Variants in FAH observed in about 807,000 individuals in gnomAD.
The protein encoded by FAH is fumarylacetoacetase.
A neutral mutation model predicts 55.8 loss-of-function variants in FAH; 47 were observed. The observed-to-expected ratio is 0.84, with a 90% CI of 0.67 to 1.07. The LOEUF is 1.07. FAH is among the 50% of genes least tolerant of loss of function. The pLI is 0.00. For missense variants in FAH, 495 were observed against 545.9 expected, an observed-to-expected ratio of 0.91 and a Z score of 0.93; for synonymous variants, 199 against 207.7, an observed-to-expected ratio of 0.96 and a Z score of 0.36.
intron 1 of FAH, among the ~76,000 whole-genome samples, chr15:80,155,784 G>C (rs1382320268): frequency 6.6e-6 from 1 of 152,262 alleles, no homozygotes; most frequent in Non-Finnish European, 1.5e-5. Context: ...ATGTGATCAT[G>C]GGACGGGGGC....
At position 80,181,139 on chromosome 15, in the gene FAH, G is replaced by T; in HGVS notation, c.1160G>T (p.Gly387Val). Residue 387 changes from glycine to valine, a missense_variant, in exon 13 of 14, where the codon GGG becomes GTG. Transcript: ENST00000561421. ...NGQTRKFLLD[G>V]DEVIITGYCQ... ...CAGACCAGGAAGTTTCTGCTGGACG[G>T]GGATGAAGTCATCATAACAGGTGAG... 6.2e-7 allele frequency: 1 copy of T among 1,613,168 alleles called. No individual in the cohort carries two copies. The highest frequency in any genetic ancestry group is 1.1e-5 in the South Asian group (1 of 91,016).
chr15:80,175,435 G>A (rs2041274509), intron 10 of FAH, among the ~76,000 whole-genome samples: 1 of 152,122 alleles, frequency 6.6e-6, no homozygotes, highest in Non-Finnish European at 1.5e-5. Flanking sequence ...CCTCACTTCC[G>A]TGGTGGGTGG....
chr15:80,171,251 C>T (rs950087106), intron 7 of FAH, among the ~76,000 whole-genome samples: 11 of 151,954 alleles, frequency 7.2e-5, no homozygotes, highest in Admixed American at 3.3e-4. Context: ...CTCTTCCCCC[C>T]ACCCCACAAC....
chr15:80,171,615 C>T (rs2041241120), intron 7 of FAH, among the ~76,000 whole-genome samples: 1 of 152,088 alleles, frequency 6.6e-6, no homozygotes, highest in South Asian at 2.1e-4. Flanking sequence ...CATGTGCCAC[C>T]ATGCCTGGCT....
intron 1 of FAH, chr15:80,157,214 G>A (rs1014611338): frequency 1.3e-5 from 2 of 152,394 alleles, no homozygotes; most frequent in African/African-American, 4.8e-5. Flanking sequence ...GAGCTGACAT[G>A]CGTGGAGAAA....
intron 5 of FAH, chr15:80,166,528 G>A (rs2041193085): frequency 6.6e-6 from 1 of 151,870 alleles, no homozygotes; most frequent in African/African-American, 2.4e-5. Flanking sequence ...TGTTTTATAA[G>A]TGATAGAAAT....
chr15:80,186,286 G>A lies in FAH; in HGVS notation c.*77G>A. 2.5e-6 allele frequency: 3 copies of A among 1,193,902 alleles called. No homozygotes were observed. Among genetic ancestry groups the A allele is most frequent in the Non-Finnish European group, 3.8e-6 (3 of 797,950 alleles). The allele number at this position is 1,193,902 out of a possible 1,614,324, so 74.0% of individuals were successfully genotyped here. The stretch of plus-strand genomic sequence containing the variant: ...TGTGACTGGGGTCCTCCCTCGGGCT[G>A]TAGGCCTGGTCCGCCATTCAGTGAC... On this transcript the variant is annotated 3_prime_UTR_variant, in exon 14 of 14. Coordinates refer to ENST00000561421, the MANE Select transcript of FAH (RefSeq NM_000137.4).
chr15:80,170,221 AG>A (rs2041228531), intron 7 of FAH, among the ~76,000 whole-genome samples: 1 of 152,246 alleles, frequency 6.6e-6, no homozygotes, highest in Non-Finnish European at 1.5e-5. Flanking sequence ...AAATGCAGAC[AG>A]GCAGATGGAG....
chr15:80,175,145 T>C, intron 10 of FAH, 54 bp downstream of exon 10: 5 of 1,515,514 alleles, frequency 3.3e-6, no homozygotes, highest in Non-Finnish European at 4.6e-6. Flanking sequence ...TGTGTGCCTG[T>C]GTGCCTTGTC....
rs763878555 is a variant in FAH, at chr15:80,186,234, A to G, written c.*25A>G. 6.9e-6 allele frequency: 11 copies of G among 1,589,964 alleles called. No homozygotes were observed. The Admixed American group carries it at 1.0e-4, about 15-fold the overall frequency. On this transcript the variant is annotated 3_prime_UTR_variant, in exon 14 of 14. Coordinates refer to ENST00000561421, the MANE Select transcript of FAH (RefSeq NM_000137.4). ...AGATTTTCTCTGCTCTTCTGGAAAC[A>G]AAGGGCTCAAGCACCCCTTTCAACC...
At chr15:80,159,934 TG>T (rs2041134696) in intron 3 of FAH, 57 bp downstream of exon 3, 1 of 1,588,576 alleles carries the variant, frequency 6.3e-7, no homozygotes, top group South Asian at 1.1e-5. Flanking sequence ...AGGTGAAGGC[TG>T]TGTGGTTATC....
intron 1 of FAH, chr15:80,157,300 C>CG (rs1196787547): frequency 3.9e-5 from 6 of 153,102 alleles, no homozygotes; most frequent in African/African-American, 1.4e-4. Flanking sequence ...CCACTAAGCT[C>CG]GCTGGCACTG....
At chr15:80,172,090 G>T in intron 7 of FAH, 59 bp from the exon 8 acceptor site, 1 of 1,257,336 alleles carries the variant, frequency 8.0e-7, no homozygotes, top group South Asian at 1.2e-5. Flanking sequence ...CTCTCTAGGT[G>T]ACAAGTGACC....
At chr15:80,175,464 T>C (rs1390145191) in intron 10 of FAH, among the ~76,000 whole-genome samples, 3 of 152,164 alleles carry the variant, frequency 2.0e-5, no homozygotes, top group Non-Finnish European at 4.4e-5. Flanking sequence ...ATTGAGTGCC[T>C]GTTTGAAAGC....
intron 10 of FAH, 99 bp from the exon 11 acceptor site, chr15:80,177,438 G>T: frequency 9.3e-7 from 1 of 1,069,958 alleles, no homozygotes. Flanking sequence ...AAATCATGTT[G>T]GACAATGGGA....
chr15:80,177,427 G>T, intron 10 of FAH, 110 bp from the exon 11 acceptor site: 1 of 1,027,414 alleles, frequency 9.7e-7, no homozygotes, highest in East Asian at 2.5e-5. Flanking sequence ...GACTCTAAGT[G>T]AAATCATGTT....
intron 9 of FAH, among the ~76,000 whole-genome samples, chr15:80,174,655 G>A (rs969394897): frequency 1.3e-5 from 2 of 152,134 alleles, no homozygotes; most frequent in African/African-American, 4.8e-5. Context: ...CCTGCAATGC[G>A]CTTTCAGGCC....
intron 1 of FAH, chr15:80,155,895 T>C: frequency 2.1e-6 from 1 of 477,944 alleles, no homozygotes; most frequent in South Asian, 1.5e-5. Flanking sequence ...AGACTTTCGC[T>C]ATTTCTTCTA....
rs372980573 is a variant in FAH at position 80,173,138 on chromosome 15, G to A, written c.831G>A (p.Pro277=). The change falls in exon 9 of 14, where the codon CCG becomes CCA. Residue 277 remains proline (P), a synonymous_variant. Coordinates refer to ENST00000561421, the MANE Select transcript of FAH (RefSeq NM_000137.4). ...DALMPFAVPN[P]KQDPRPLPYL... is the part of the protein sequence containing the mutation. ...TCATGCCCTTTGCTGTGCCCAACCC[G>A]AAGCAGGTAAGCACATTCTCTGCAG... 326 of 1,614,078 alleles carry A rather than the reference G, an allele frequency of 2.0e-4. No individual in the cohort carries two copies. The highest frequency in any genetic ancestry group is 3.0e-4 in the Admixed American group (18 of 59,990).
Sources: gnomAD v4.1 joint callset for allele counts (sites outside exome capture counted in the v4.1 genomes callset) on GRCh38, gnomAD v4.1.1 for gene constraint, MANE v1.5 for transcripts, NCBI Gene and HGNC (gene_info 2026-07-23, HGNC 2026-07-21) for gene names.